MCC: variants seen among roughly 807,000 people sequenced by gnomAD.
MCC encodes MCC regulator of Wnt signaling pathway, also known as colorectal mutant cancer protein.
Under a neutral mutation model 116.2 loss-of-function variants are expected in MCC, and 90 were observed. That is an observed-to-expected ratio of 0.77 (90% CI 0.65 to 0.92). MCC has a LOEUF of 0.92. MCC is among the 40% of genes least tolerant of loss of function. The pLI, the probability that MCC is intolerant of heterozygous loss-of-function variation, is 0.00. For missense variants in MCC, 1,516 were observed against 1,312.2 expected (o/e 1.16, Z -2.40); for synonymous variants, 578 against 510.5 (o/e 1.13, Z -1.78).
chr5:113,049,869 C>G (rs1752370532), intron 15 of MCC, among the ~76,000 whole-genome samples: 1 of 152,168 alleles, frequency 6.6e-6, no homozygotes, highest in Non-Finnish European at 1.5e-5. Context: ...TCTCAGGGCC[C>G]AAATGAAATC....
chr5:113,423,813 T>C (rs928568261), intron 1 of MCC, among the ~76,000 whole-genome samples: 1 of 152,168 alleles, frequency 6.6e-6, no homozygotes, highest in African/African-American at 2.4e-5. Context: ...TTTTCTATAG[T>C]GGCTGATCCC....
At position 113,488,403 on chromosome 5, in the gene MCC, G is replaced by C. The variant is rs561789390; in HGVS notation, c.12C>G (p.Ala4=). The C allele has an allele frequency of 7.2e-7, 1 of 1,396,900 alleles. No individual in the cohort carries two copies. The highest frequency in any genetic ancestry group is 9.2e-7 in the Non-Finnish European group (1 of 1,087,326). 86.5% of individuals were successfully genotyped at this position (1,396,900 alleles called of 1,614,324 possible). ...AGCTCCCCGCAGCCGCTGCCGCCGC[G>C]GCCGCCATCATGCGCCCGCTCCCTA... MMA[A]AAAAAAGSSS... The change falls in exon 1 of 19, where the codon GCC becomes GCG. Residue 4 remains alanine, a synonymous_variant. Transcript: ENST00000408903.
chr5:113,204,010 C>G (rs1268720302), intron 3 of MCC, among the ~76,000 whole-genome samples: 1 of 152,182 alleles, frequency 6.6e-6, no homozygotes, highest in Non-Finnish European at 1.5e-5. Context: ...CCCTATTTTC[C>G]GTCCTTCCTT....
At chr5:113,452,026 T>G (rs1771414394) in intron 1 of MCC, among the ~76,000 whole-genome samples, 1 of 152,190 alleles carries the variant, frequency 6.6e-6, no homozygotes, top group Non-Finnish European at 1.5e-5. Context: ...GGCACTTCCG[T>G]TCTCCTCCAC....
intron 3 of MCC, among the ~76,000 whole-genome samples, chr5:113,257,714 G>A (rs929005775): frequency 3.3e-5 from 5 of 152,136 alleles, no homozygotes; most frequent in African/African-American, 1.2e-4. Flanking sequence ...ATGGGGGTGT[G>A]GGTGCTGGGA....
In MCC at chr5:113,488,327, C is replaced by CACT. The variant is rs1554087713; in HGVS notation, c.87_88insAGT (p.Ser29dup). 6.6e-7 allele frequency: 1 copy of CACT among 1,516,032 alleles called. No individual in the cohort carries two copies. Among genetic ancestry groups the CACT allele is most frequent in the African/African-American group, 1.4e-5 (1 of 69,186 alleles). The allele number at this position is 1,516,032 out of a possible 1,614,324, so 93.9% of individuals were successfully genotyped here. ...TCCTCCTCGCCGGTGCTGGACGTGT[C>CACT]GCTGCTGCTGCTGCTGCTGCCGCTG... On this transcript the variant is annotated inframe_insertion, in exon 1 of 19. Coordinates refer to ENST00000408903, the MANE Select transcript of MCC (RefSeq NM_001085377.2).
intron 3 of MCC, among the ~76,000 whole-genome samples, chr5:113,250,874 G>C (rs2150343626): frequency 6.6e-6 from 1 of 152,192 alleles, no homozygotes; most frequent in South Asian, 2.1e-4. Context: ...GAACTCCCTA[G>C]GATAGCCTTA....
At chr5:113,284,400 G>A (rs1403115936) in intron 3 of MCC, among the ~76,000 whole-genome samples, 1 of 152,146 alleles carries the variant, frequency 6.6e-6, no homozygotes, top group Admixed American at 6.5e-5. Context: ...TTGATAGTGT[G>A]ATCTGTAATA....
intron 3 of MCC, among the ~76,000 whole-genome samples, chr5:113,242,746 G>A (rs1453563919): frequency 6.6e-6 from 1 of 152,130 alleles, no homozygotes; most frequent in Non-Finnish European, 1.5e-5. Context: ...GCACCACAGA[G>A]AAATGTGCTT....
intron 3 of MCC, among the ~76,000 whole-genome samples, chr5:113,168,583 C>T (rs552959266): frequency 1.3e-5 from 2 of 152,232 alleles, no homozygotes; most frequent in Admixed American, 1.3e-4. Context: ...ACAAAGCAGG[C>T]TCTTTCTATG....
At chr5:113,336,275 T>C (rs1372806904) in intron 3 of MCC, among the ~76,000 whole-genome samples, 2 of 151,800 alleles carry the variant, frequency 1.3e-5, no homozygotes, top group East Asian at 1.9e-4. Flanking sequence ...AAACAAACCA[T>C]AGCAGGCACT....
chr5:113,134,933 A>G (rs1172932781), intron 5 of MCC, among the ~76,000 whole-genome samples: 2 of 143,694 alleles, frequency 1.4e-5, no homozygotes, highest in African/African-American at 2.5e-5. Flanking sequence ...CCTTGTAGAG[A>G]ACTTTTACTT....
chr5:113,168,041 A>G (rs761413389), intron 3 of MCC, among the ~76,000 whole-genome samples: 1 of 152,204 alleles, frequency 6.6e-6, no homozygotes, highest in Non-Finnish European at 1.5e-5. Flanking sequence ...TTTGGGAGGC[A>G]ACAGTTGTAT....
intron 1 of MCC, among the ~76,000 whole-genome samples, chr5:113,429,667 C>A (rs1037234332): frequency 3.3e-5 from 5 of 152,104 alleles, no homozygotes; most frequent in Non-Finnish European, 7.4e-5. Flanking sequence ...CACATATTTT[C>A]AGGCCCTGGC....
chr5:113,234,061 T>C (rs1401359135), intron 3 of MCC, among the ~76,000 whole-genome samples: 1 of 152,242 alleles, frequency 6.6e-6, no homozygotes, highest in Non-Finnish European at 1.5e-5. Flanking sequence ...TAAAGCTCTA[T>C]TCTGACTAGC....
Position 113,403,307 on chromosome 5 carries a change from C to T in MCC, c.171-18095G>A, listed in dbSNP as rs1012489577. Among the ~76,000 whole-genome samples, 7 of 152,152 alleles carry T rather than the reference C, an allele frequency of 4.6e-5. No homozygotes were observed. The East Asian group carries it at 1.3e-3, about 29-fold the overall frequency. ...GTGCACACTGTAAGAACATTTAAGT[C>T]TATTTCAGTATTCGTAAACACTGTA... is the stretch of plus-strand genomic sequence containing the variant. On this transcript the variant is annotated intron_variant, in intron 1 of 18. Coordinates refer to ENST00000408903, the MANE Select transcript of MCC (RefSeq NM_001085377.2).
chr5:113,411,111 G>A (rs1032924522), intron 1 of MCC, among the ~76,000 whole-genome samples: 1 of 151,968 alleles, frequency 6.6e-6, no homozygotes, highest in South Asian at 2.1e-4. Context: ...TCATCCTTTC[G>A]GTATATAACC....
chr5:113,184,548 A>AG (rs1761803169), intron 3 of MCC, among the ~76,000 whole-genome samples: 1 of 141,818 alleles, frequency 7.1e-6, no homozygotes, highest in South Asian at 2.2e-4. Flanking sequence ...GGCTCACTGC[A>AG]GTCTCCTGGG....
At chr5:113,396,710 T>A (rs952514048) in intron 1 of MCC, among the ~76,000 whole-genome samples, 1 of 152,168 alleles carries the variant, frequency 6.6e-6, no homozygotes, top group African/African-American at 2.4e-5. Context: ...AACAAAAGGA[T>A]TCCTCTGGAA....
Sources: gnomAD v4.1 joint callset for allele counts (sites outside exome capture counted in the v4.1 genomes callset) on GRCh38, gnomAD v4.1.1 for gene constraint, MANE v1.5 for transcripts, NCBI Gene and HGNC (gene_info 2026-07-23, HGNC 2026-07-21) for gene names.